Variants in MAGI2 observed in about 807,000 individuals in gnomAD.
MAGI2 encodes the protein membrane associated guanylate kinase, WW and PDZ domain containing 2.
Under a neutral mutation model 133.3 loss-of-function variants are expected in MAGI2, and 35 were observed. The ratio of observed to expected loss-of-function variants is 0.26; its 90% CI spans 0.20 to 0.35. The LOEUF (loss-of-function observed/expected upper bound fraction) is 0.35, where lower values mean the gene tolerates loss of function less well. Ranked by LOEUF, MAGI2 falls within the 10% of genes least tolerant of loss-of-function variation. The probability of loss-of-function intolerance (pLI) is 1.00; values close to 1 mark genes in which losing one functional copy is unlikely to be tolerated. For missense variants in MAGI2, 1,636 were observed against 1,863.4 expected, an observed-to-expected ratio of 0.88 and a Z score of 2.25; for synonymous variants, 729 against 710.6, an observed-to-expected ratio of 1.03 and a Z score of -0.41.
intron 1 of MAGI2, among the ~76,000 whole-genome samples, chr7:79,148,953 T>A (rs1734061106): frequency 6.8e-6 from 1 of 146,494 alleles, no homozygotes; most frequent in Non-Finnish European, 1.5e-5. Context: ...GGAAATACCA[T>A]GTTTGCATTG....
At chr7:79,002,754 C>G (rs1396372938) in intron 2 of MAGI2, among the ~76,000 whole-genome samples, 1 of 151,770 alleles carries the variant, frequency 6.6e-6, no homozygotes, top group Non-Finnish European at 1.5e-5. Flanking sequence ...AGTTTTGTTA[C>G]AGAACTCAAT....
At chr7:79,219,651 T>C (rs1371714609) in intron 1 of MAGI2, among the ~76,000 whole-genome samples, 2 of 152,010 alleles carry the variant, frequency 1.3e-5, no homozygotes, top group Non-Finnish European at 2.9e-5. Context: ...GAATGACAAA[T>C]GAATGAGACA....
At chr7:79,415,211 T>A (rs1328898203) in intron 1 of MAGI2, 1 of 152,166 alleles carries the variant, frequency 6.6e-6, no homozygotes, top group Non-Finnish European at 1.5e-5. Flanking sequence ...GAGTTTCTAG[T>A]TAGATAGTTT....
At chr7:78,087,309 A>G (rs1167701520) in intron 20 of MAGI2, among the ~76,000 whole-genome samples, 1 of 152,190 alleles carries the variant, frequency 6.6e-6, no homozygotes, top group Non-Finnish European at 1.5e-5. Flanking sequence ...TAGAGTTTAA[A>G]CCAAATGTAA....
At chr7:78,318,109 G>A (rs1044763053) in intron 9 of MAGI2, among the ~76,000 whole-genome samples, 5 of 152,274 alleles carry the variant, frequency 3.3e-5, no homozygotes, top group South Asian at 2.1e-4. Flanking sequence ...AACAAAACTG[G>A]ACAGAGAATG....
chr7:79,178,261 A>T (rs1002412582), intron 1 of MAGI2, among the ~76,000 whole-genome samples: 2 of 151,978 alleles, frequency 1.3e-5, no homozygotes, highest in African/African-American at 4.8e-5. Flanking sequence ...GAAAATCATT[A>T]TTAGTGAAAA....
At chr7:78,316,628 G>A (rs1176521590) in intron 9 of MAGI2, among the ~76,000 whole-genome samples, 1 of 152,116 alleles carries the variant, frequency 6.6e-6, no homozygotes, top group Non-Finnish European at 1.5e-5. Context: ...TGTTTCAGTA[G>A]AAACTGTCAA....
At chr7:79,360,531 A>C (rs1304570496) in intron 1 of MAGI2, among the ~76,000 whole-genome samples, 2 of 152,248 alleles carry the variant, frequency 1.3e-5, no homozygotes, top group Non-Finnish European at 2.9e-5. Flanking sequence ...CTGAAACAAA[A>C]ATTATAACAC....
intron 3 of MAGI2, among the ~76,000 whole-genome samples, chr7:78,559,197 A>T (rs1584631767): frequency 9.3e-6 from 1 of 107,160 alleles, no homozygotes; most frequent in Non-Finnish European, 2.0e-5. Flanking sequence ...AAAAGAAAAG[A>T]AAAACAATAG....
intron 2 of MAGI2, among the ~76,000 whole-genome samples, chr7:78,838,208 T>C (rs906106103): frequency 6.6e-6 from 1 of 152,150 alleles, no homozygotes; most frequent in Non-Finnish European, 1.5e-5. Context: ...AAATATCTGC[T>C]TAGTCGCTGT....
intron 4 of MAGI2, chr7:78,518,001 G>GA (rs1796179412): frequency 7.0e-6 from 1 of 143,010 alleles, no homozygotes; most frequent in Non-Finnish European, 1.5e-5. Context: ...AAGGAGAAAA[G>GA]ATGAAAAAAA....
chr7:78,746,693 A>G (rs1024320780), intron 2 of MAGI2, among the ~76,000 whole-genome samples: 2 of 152,136 alleles, frequency 1.3e-5, no homozygotes, highest in Admixed American at 1.3e-4. Context: ...TAGCACCTCA[A>G]TTTGTTTTTA....
chr7:78,783,012 CTTTTTTTTTTTTT>C (rs11432048), intron 2 of MAGI2, among the ~76,000 whole-genome samples: 1 of 96,232 alleles, frequency 1.0e-5, no homozygotes, highest in East Asian at 3.2e-4. Context: ...TGATTCTTAC[CTTTTTTTTTTTTT>C]TTTTTTTTTT....
chr7:78,915,852 C>T (rs1798752872), intron 2 of MAGI2, among the ~76,000 whole-genome samples: 1 of 151,746 alleles, frequency 6.6e-6, no homozygotes, highest in Non-Finnish European at 1.5e-5. Context: ...ACTGCTTTTA[C>T]ATAAGGTCAT....
chr7:78,169,156 C>T (rs1825884259), intron 14 of MAGI2, among the ~76,000 whole-genome samples: 1 of 152,222 alleles, frequency 6.6e-6, no homozygotes, highest in South Asian at 2.1e-4. Context: ...TAGAGGCACT[C>T]AGTTTAGTGT....
At chr7:78,172,021 T>C (rs1473798537) in intron 14 of MAGI2, among the ~76,000 whole-genome samples, 1 of 152,100 alleles carries the variant, frequency 6.6e-6, no homozygotes, top group East Asian at 1.9e-4. Context: ...AATTGCCTTC[T>C]CTAAAACCCC....
intron 9 of MAGI2, among the ~76,000 whole-genome samples, chr7:78,261,474 C>A (rs1266284481): frequency 6.6e-6 from 1 of 152,088 alleles, no homozygotes; most frequent in African/African-American, 2.4e-5. Context: ...TGAGTTCTAC[C>A]CGTTCCAAGA....
At chr7:78,541,089 G>A (rs1033253663) in intron 3 of MAGI2, among the ~76,000 whole-genome samples, 1 of 152,188 alleles carries the variant, frequency 6.6e-6, no homozygotes, top group East Asian at 1.9e-4. Context: ...TGTCCAAGGG[G>A]CTGCAAGTCA....
At chr7:78,180,922 G>C (rs2150691125) in intron 13 of MAGI2, among the ~76,000 whole-genome samples, 1 of 101,444 alleles carries the variant, frequency 9.9e-6, no homozygotes, top group East Asian at 2.9e-4. Context: ...TGAGGCAGCA[G>C]TATTTTTTTT....
Sources: gnomAD v4.1 joint callset for allele counts (sites outside exome capture counted in the v4.1 genomes callset) on GRCh38, gnomAD v4.1.1 for gene constraint, MANE v1.5 for transcripts, NCBI Gene and HGNC (gene_info 2026-07-23, HGNC 2026-07-21) for gene names.